Variants in PBX3 observed in about 807,000 individuals in gnomAD.
PBX3 encodes the protein pre-B-cell leukemia transcription factor 3.
PBX3 carries 14 observed loss-of-function variants against 48.5 expected under a neutral mutation model. The ratio of observed to expected loss-of-function variants is 0.29; its 90% confidence interval spans 0.19 to 0.45. The LOEUF is 0.45. Among genes scored for constraint, PBX3 ranks in the 20% least tolerant of loss-of-function variants. PBX3 has a pLI of 1.00. For synonymous variants in PBX3, 210 were observed against 200.3 expected, an observed-to-expected ratio of 1.05 and a Z score of -0.41; for missense variants, 386 against 546.7, an observed-to-expected ratio of 0.71 and a Z score of 2.93.
At chr9:125,874,192 C>T (rs1219318829) in intron 2 of PBX3, among the ~76,000 whole-genome samples, 4 of 151,962 alleles carry the variant, frequency 2.6e-5, no homozygotes, top group Non-Finnish European at 5.9e-5. Context: ...TTGAATAAAA[C>T]CAGTAGTTTA....
chr9:125,859,590 G>A (rs184609822), intron 2 of PBX3, among the ~76,000 whole-genome samples: 1 of 152,332 alleles, frequency 6.6e-6, no homozygotes, highest in East Asian at 1.9e-4. Context: ...GACACAGCCA[G>A]TAAGCAGCTG....
chr9:125,764,124 G>T (rs1037753817), intron 2 of PBX3, among the ~76,000 whole-genome samples: 1 of 152,200 alleles, frequency 6.6e-6, no homozygotes, highest in African/African-American at 2.4e-5. Context: ...AGACTGCAAG[G>T]ACAGGGCGGG....
intron 2 of PBX3, among the ~76,000 whole-genome samples, chr9:125,819,949 G>T (rs1838599759): frequency 6.6e-6 from 1 of 151,758 alleles, no homozygotes; most frequent in Admixed American, 6.6e-5. Flanking sequence ...TCACATTCTT[G>T]GAGGATTAAT....
At chr9:125,794,685 A>AGG (rs1030361114) in intron 2 of PBX3, among the ~76,000 whole-genome samples, 7 of 147,706 alleles carry the variant, frequency 4.7e-5, no homozygotes, top group African/African-American at 1.7e-4. Flanking sequence ...AAGGGAAAGT[A>AGG]GGAGACTCAT....
chr9:125,932,101 CT>C (rs1285160746), intron 4 of PBX3, among the ~76,000 whole-genome samples: 6 of 152,302 alleles, frequency 3.9e-5, no homozygotes, highest in Non-Finnish European at 8.8e-5. Context: ...AGTCTAACCA[CT>C]TACTTCCCTG....
At chr9:125,875,399 ATCTTCTGGGACATTTCAG>A (rs886892447) in intron 2 of PBX3, among the ~76,000 whole-genome samples, 3 of 152,032 alleles carry the variant, frequency 2.0e-5, no homozygotes, top group African/African-American at 7.2e-5. Flanking sequence ...AATCATTTCC[ATCTTCTGGGACATTTCAG>A]TTGTCTTTTG....
intron 2 of PBX3, among the ~76,000 whole-genome samples, chr9:125,887,237 A>G (rs58670516): frequency 0.023 from 3,566 of 152,268 alleles, 148 homozygotes; most frequent in African/African-American, 0.082. Context: ...GTTCTGACCA[A>G]TTCCTTTCAT....
intron 2 of PBX3, among the ~76,000 whole-genome samples, chr9:125,877,616 C>T (rs1008674830): frequency 2.0e-5 from 3 of 152,008 alleles, no homozygotes; most frequent in Non-Finnish European, 4.4e-5. Context: ...CCCCTTTTCC[C>T]AAGTTATCAA....
chr9:125,938,402 A>G (rs993375955), intron 5 of PBX3, among the ~76,000 whole-genome samples: 1 of 152,242 alleles, frequency 6.6e-6, no homozygotes. Context: ...TTAAATCTAG[A>G]GGAAAATTTA....
At chr9:125,849,369 A>C (rs1839515395) in intron 2 of PBX3, among the ~76,000 whole-genome samples, 1 of 151,564 alleles carries the variant, frequency 6.6e-6, no homozygotes, top group Non-Finnish European at 1.5e-5. Flanking sequence ...GTGGATTTAA[A>C]AAAAAAAAAG....
intron 2 of PBX3, among the ~76,000 whole-genome samples, chr9:125,864,835 C>A (rs1226906746): frequency 6.6e-6 from 1 of 152,172 alleles, no homozygotes; most frequent in African/African-American, 2.4e-5. Context: ...CGGTCCGTGA[C>A]TTGGGGATTG....
At chr9:125,952,211 T>G (rs75763164) in intron 5 of PBX3, among the ~76,000 whole-genome samples, 5,733 of 152,302 alleles carry the variant, frequency 0.038, 373 homozygotes, top group African/African-American at 0.13. Context: ...AAAATTTTTC[T>G]AAGATTTGTG....
chr9:125,885,180 AATAC>A (rs1840469231), intron 2 of PBX3, among the ~76,000 whole-genome samples: 1 of 152,160 alleles, frequency 6.6e-6, no homozygotes, highest in Non-Finnish European at 1.5e-5. Flanking sequence ...AGTAGATAAA[AATAC>A]ATACATAGTA....
intron 2 of PBX3, among the ~76,000 whole-genome samples, chr9:125,898,956 C>G (rs1473190585): frequency 6.6e-6 from 1 of 151,280 alleles, no homozygotes; most frequent in Non-Finnish European, 1.5e-5. Context: ...GAATTTGGAA[C>G]TGATGGGTAT....
chr9:125,829,630 T>C (rs144794761), intron 2 of PBX3, among the ~76,000 whole-genome samples: 152 of 152,276 alleles, frequency 1.0e-3, no homozygotes, highest in African/African-American at 3.6e-3. Context: ...AAGTTTCCTT[T>C]GAAAGCCAAA....
chr9:125,835,393 A>G (rs997409236), intron 2 of PBX3, among the ~76,000 whole-genome samples: 1 of 152,178 alleles, frequency 6.6e-6, no homozygotes, highest in Non-Finnish European at 1.5e-5. Flanking sequence ...GTTATATTCT[A>G]CTGACTTGCA....
chr9:125,931,722 C>T (rs1841720573), intron 4 of PBX3, among the ~76,000 whole-genome samples: 1 of 152,116 alleles, frequency 6.6e-6, no homozygotes, highest in Non-Finnish European at 1.5e-5. Context: ...CTTGAGGAAA[C>T]AGACAGTAAA....
chr9:125,906,719 C>A (rs1179030027), intron 2 of PBX3, among the ~76,000 whole-genome samples: 2 of 151,742 alleles, frequency 1.3e-5, no homozygotes, highest in Non-Finnish European at 2.9e-5. Context: ...TTGTTTCTGA[C>A]CAAAAATTTT....
intron 2 of PBX3, among the ~76,000 whole-genome samples, chr9:125,807,288 G>A (rs1838152522): frequency 6.6e-6 from 1 of 151,818 alleles, no homozygotes; most frequent in African/African-American, 2.4e-5. Context: ...AGCTGAGATT[G>A]CACCACTGCA....
Sources: allele counts gnomAD v4.1 joint callset (sites outside exome capture counted in the v4.1 genomes callset), GRCh38; gene constraint gnomAD v4.1.1; transcripts MANE v1.5; gene names NCBI Gene and HGNC (gene_info 2026-07-23, HGNC 2026-07-21).